The following KLF4 variants were observed in gnomAD, a reference collection of about 807,000 sequenced individuals.
KLF4 encodes KLF transcription factor 4.
In KLF4, 14 loss-of-function variants were observed where a neutral mutation model predicts 38.0. The observed-to-expected ratio is 0.37, with a 90% CI of 0.24 to 0.58. The LOEUF is 0.58. KLF4 is among the 20% of genes least tolerant of loss of function. The pLI is 0.76. For missense variants in KLF4, 737 were observed against 670.1 expected, an observed-to-expected ratio of 1.10 and a Z score of -1.10; for synonymous variants, 398 against 302.5, an observed-to-expected ratio of 1.32 and a Z score of -3.28.
At position 107,489,497 on chromosome 9, in the gene KLF4, T is replaced by G; in HGVS notation, c.-325A>C. 6.8e-6 allele frequency: 2 copies of G among 296,002 alleles called. No individual in the cohort carries two copies. Among genetic ancestry groups the G allele is most frequent in the Non-Finnish European group, 1.2e-5 (2 of 161,596 alleles). 18.3% of individuals were successfully genotyped at this position (296,002 alleles called of 1,614,324 possible). A position where few individuals can be genotyped will look rare whatever the true frequency, so the allele number is the denominator to read the frequency against. On this transcript the variant is annotated 5_prime_UTR_variant, in exon 1 of 5. Coordinates refer to ENST00000374672, the MANE Select transcript of KLF4 (RefSeq NM_004235.6). ...CGAGTGCTGCCGTGGGCGCAGGGGC[T>G]GTGGCCGGGGCGGTGGGCGGGCGGT...
rs774140707 is a variant in KLF4 at position 107,487,926 on chromosome 9, G to A, written c.468C>T (p.Ala156=). The change falls in exon 3 of 5, where the codon GCC becomes GCT. Residue 156 remains alanine (A), a synonymous_variant. Transcript: ENST00000374672. This position sits in a 1 kb window ranked among gnomAD's most constrained non-coding sequence, Gnocchi z 6.1. Reference sequence around the variant, plus strand: ...CCGGCGCCACGCCCGGGTCGTTCCCGGCCCGGATCGGATAGGTGAAGCTGC... The same window carrying A: ...CCGGCGCCACGCCCGGGTCGTTCCCAGCCCGGATCGGATAGGTGAAGCTGC... ...STCSFTYPIR[A]GNDPGVAPGG... is the part of the protein sequence containing the mutation. 1.3e-6 allele frequency: 2 copies of A among 1,576,992 alleles called. No homozygotes were observed. Among genetic ancestry groups the A allele is most frequent in the Non-Finnish European group, 1.7e-6 (2 of 1,161,738 alleles).
At position 107,485,388 on chromosome 9, in the gene KLF4, C is replaced by G; in HGVS notation, c.*363G>C. The G allele has an allele frequency of 3.9e-6, 1 of 255,856 alleles. No individual in the cohort carries two copies. The highest frequency in any genetic ancestry group is 7.5e-6 in the Non-Finnish European group (1 of 134,206). 15.8% of individuals were successfully genotyped at this position (255,856 alleles called of 1,614,324 possible). A position where few individuals can be genotyped will look rare whatever the true frequency, so the allele number is the denominator to read the frequency against. ...AAGGTGATCTTTTATGCTTATATTG[C>G]ATCAATACACAATTCAAGGGAATTC... On this transcript the variant is annotated 3_prime_UTR_variant, in exon 5 of 5. Transcript: ENST00000374672. This position sits in a 1 kb window ranked among gnomAD's most constrained non-coding sequence, Gnocchi z 4.9.
rs539270836 is a variant in KLF4 at position 107,487,732 on chromosome 9, G to A, written c.662C>T (p.Pro221Leu). The A allele has an allele frequency of 4.4e-6, 7 of 1,590,348 alleles. No individual in the cohort carries two copies. In the South Asian group the frequency reaches 6.8e-5, roughly 15 times the overall value. ...GAACTTGCCCATCAGCCCGCCACCTGGCGGCTGCGGCTGCTGCGGCGGAAT... is the reference window on the plus strand; with the variant it reads ...GAACTTGCCCATCAGCCCGCCACCTAGCGGCTGCGGCTGCTGCGGCGGAAT... The part of the protein sequence containing the change: ...VYIPPQQPQP[P>L]GGGLMGKFVL... The change falls in exon 3 of 5, where the codon CCA becomes CTA. Residue 221 changes from proline to leucine, a missense_variant. By Grantham distance (98) the Pro-to-Leu change is moderately conservative (BLOSUM62 -3). This residue lies in a region of KLF4 where 695 missense variants were observed against 554.5 expected (regional missense o/e 1.25). Coordinates refer to ENST00000374672, the MANE Select transcript of KLF4 (RefSeq NM_004235.6). The surrounding 1 kb of genome is among the most constrained non-coding windows in gnomAD (Gnocchi z 6.1).
In KLF4 at chr9:107,487,284, C is replaced by A. The variant is rs1829082787; in HGVS notation, c.1099+11G>T. On this transcript the variant is annotated intron_variant, in intron 3 of 4. Coordinates refer to ENST00000374672, the MANE Select transcript of KLF4 (RefSeq NM_004235.6). The surrounding 1 kb of genome is among the most constrained non-coding windows in gnomAD (Gnocchi z 6.1). ...GCTCCCCAGCCCGAGCTACAAATCC[C>A]CGGGACTGACCTTGGTAATGGAGCG... 3.1e-6 allele frequency: 5 copies of A among 1,591,312 alleles called. No homozygotes were observed. The East Asian group carries it at 1.1e-4, about 36-fold the overall frequency.
chr9:107,485,638 C>A lies in KLF4; in HGVS notation c.*113G>T. 1.9e-6 allele frequency: 2 copies of A among 1,066,222 alleles called. No homozygotes were observed. Among genetic ancestry groups the A allele is most frequent in the South Asian group, 1.9e-5 (1 of 53,902 alleles). 66.0% of individuals were successfully genotyped at this position (1,066,222 alleles called of 1,614,324 possible). ...AAGATGACTCAGTTGGGAACTTGAC[C>A]ATGATTGTAGTGCTTTCTGGCTGGG... On this transcript the variant is annotated 3_prime_UTR_variant, in exon 5 of 5. Transcript: ENST00000374672. This position sits in a 1 kb window ranked among gnomAD's most constrained non-coding sequence, Gnocchi z 4.9.
rs1318208648 is a variant in KLF4, at chr9:107,487,871, T to C, written c.523A>G (p.Arg175Gly). Residue 175 changes from arginine to glycine, a missense_variant, in exon 3 of 5, where the codon AGG becomes GGG. Arg to Gly is a moderately radical substitution (Grantham distance 125, BLOSUM62 -2). Transcript: ENST00000374672. The surrounding 1 kb of genome is among the most constrained non-coding windows in gnomAD (Gnocchi z 6.1). The part of the protein sequence containing the change: ...GGTGGGLLYG[R>G]ESAPPPTAPF... ...GCCGTCGGAGGGGGAGCGGACTCCC[T>C]GCCATAGAGGAGGCCTCCGCCCGTG... 2 of 1,539,302 alleles carry C rather than the reference T, an allele frequency of 1.3e-6. No individual in the cohort carries two copies. The highest frequency in any genetic ancestry group is 2.4e-5 in the East Asian group (1 of 41,840).
Position 107,487,695 on chromosome 9 carries a change from C to A in KLF4, c.699G>T (p.Ala233=). The A allele has an allele frequency of 6.2e-7, 1 of 1,605,878 alleles. No homozygotes were observed. The highest frequency in any genetic ancestry group is 8.5e-7 in the Non-Finnish European group (1 of 1,178,172). Residue 233 remains alanine (A), a synonymous_variant, in exon 3 of 5, where the codon GCG becomes GCT. Coordinates refer to ENST00000374672, the MANE Select transcript of KLF4 (RefSeq NM_004235.6). The surrounding 1 kb of genome is among the most constrained non-coding windows in gnomAD (Gnocchi z 6.1). Reference sequence around the variant, plus strand: ...ACTCGCTGCCAGGGGCGCTCAGCGACGCCTTCAGCACGAACTTGCCCATCA... The same window carrying A: ...ACTCGCTGCCAGGGGCGCTCAGCGAAGCCTTCAGCACGAACTTGCCCATCA... ...GGLMGKFVLK[A]SLSAPGSEYG... is the part of the protein sequence containing the mutation.
rs376327952 is a variant in KLF4, at chr9:107,487,379, C to T, written c.1015G>A (p.Gly339Ser). 2.0e-6 allele frequency: 3 copies of T among 1,535,434 alleles called. No individual in the cohort carries two copies. Among genetic ancestry groups the T allele is most frequent in the Admixed American group, 2.1e-5 (1 of 48,752 alleles). Residue 339 changes from glycine to serine, a missense_variant, in exon 3 of 5, where the codon GGC becomes AGC. Around this residue, in one of 2 missense-constraint regions of KLF4, gnomAD observed 695 missense variants for 554.5 expected, o/e 1.25. Transcript: ENST00000374672. The surrounding 1 kb of genome is among the most constrained non-coding windows in gnomAD (Gnocchi z 6.1). ...TTGGGCCCCGGGTGGGGATGGAAGC[C>T]GGGAGGAAGCGGCAGGGCAGGGTGA... ...DCHPALPLPP[G>S]FHPHPGPNYP...
Position 107,487,893 on chromosome 9 carries a change from C to T in KLF4, c.501G>A (p.Thr167=). Reference sequence around the variant, plus strand: ...CCCTGCCATAGAGGAGGCCTCCGCCCGTGCCGCCCGGCGCCACGCCCGGGT... The same window carrying T: ...CCCTGCCATAGAGGAGGCCTCCGCCTGTGCCGCCCGGCGCCACGCCCGGGT... ...GNDPGVAPGG[T]GGGLLYGRES... The change falls in exon 3 of 5, where the codon ACG becomes ACA. Residue 167 remains threonine (T), a synonymous_variant. Coordinates refer to ENST00000374672, the MANE Select transcript of KLF4 (RefSeq NM_004235.6). This position sits in a 1 kb window ranked among gnomAD's most constrained non-coding sequence, Gnocchi z 6.1. 2 of 1,556,662 alleles carry T rather than the reference C, an allele frequency of 1.3e-6. No homozygotes were observed. Among genetic ancestry groups the T allele is most frequent in the Admixed American group, 1.9e-5 (1 of 51,696 alleles).
Position 107,488,514 on chromosome 9 carries a change from G to C in KLF4, c.127-247C>G, listed in dbSNP as rs1829130641. ...CCAATTGCGTGTGAGCGAGCGCCGC[G>C]GCTGGTCCCTCCCCCTCCAGGTCCC... is the stretch of plus-strand genomic sequence containing the variant. On this transcript the variant is annotated intron_variant, in intron 2 of 4. Transcript: ENST00000374672. This position sits in a 1 kb window ranked among gnomAD's most constrained non-coding sequence, Gnocchi z 5.7. The C allele has an allele frequency of 1.6e-6, 1 of 625,978 alleles. No individual in the cohort carries two copies. The highest frequency in any genetic ancestry group is 2.6e-6 in the Non-Finnish European group (1 of 386,364). 38.8% of individuals were successfully genotyped at this position (625,978 alleles called of 1,614,324 possible). A position where few individuals can be genotyped will look rare whatever the true frequency, so the allele number is the denominator to read the frequency against.
rs1441130568 is a variant in KLF4, at chr9:107,489,409, T to C, written c.-237A>G. The C allele has an allele frequency of 1.0e-5, 5 of 476,840 alleles. No individual in the cohort carries two copies. Among genetic ancestry groups the C allele is most frequent in the South Asian group, 4.5e-5 (1 of 22,162 alleles). The allele number at this position is 476,840 out of a possible 1,614,324, so 29.5% of individuals were successfully genotyped here. A position where few individuals can be genotyped will look rare whatever the true frequency, so the allele number is the denominator to read the frequency against. On this transcript the variant is annotated 5_prime_UTR_variant, in exon 1 of 5. Coordinates refer to ENST00000374672, the MANE Select transcript of KLF4 (RefSeq NM_004235.6). ...ACAATCAGCAAGGCGAGTAAGTAGGTCCGGTGGCCGGGCTGCGCTCTCTTC... is the reference window on the plus strand; with the variant it reads ...ACAATCAGCAAGGCGAGTAAGTAGGCCCGGTGGCCGGGCTGCGCTCTCTTC...
Position 107,488,260 on chromosome 9 carries a change from C to A in KLF4, c.134G>T (p.Arg45Leu). The change falls in exon 3 of 5, where the codon CGG (arginine) becomes CTG (leucine). Residue 45 changes from arginine to leucine, a missense_variant. Coordinates refer to ENST00000374672, the MANE Select transcript of KLF4 (RefSeq NM_004235.6). This position sits in a 1 kb window ranked among gnomAD's most constrained non-coding sequence, Gnocchi z 5.7. Reference sequence around the variant, plus strand: ...TCGCTTCATGTGGGAGAGCTCCTCCCGCCAGCGCTGCGGGGACAGGGCGGG... The same window carrying A: ...TCGCTTCATGTGGGAGAGCTCCTCCAGCCAGCGCTGCGGGGACAGGGCGGG... ...RQAGAPNNRWREELSHMKRLP... is the reference protein window; with the variant it reads ...RQAGAPNNRWLEELSHMKRLP... 6.2e-7 allele frequency: 1 copy of A among 1,602,938 alleles called. No homozygotes were observed. Among genetic ancestry groups the A allele is most frequent in the South Asian group, 1.1e-5 (1 of 90,394 alleles).
Position 107,485,629 on chromosome 9 carries a change from G to A in KLF4, c.*122C>T, listed in dbSNP as rs1829045842. Reference sequence around the variant, plus strand: ...TCCACTCACAAGATGACTCAGTTGGGAACTTGACCATGATTGTAGTGCTTT... The same window carrying A: ...TCCACTCACAAGATGACTCAGTTGGAAACTTGACCATGATTGTAGTGCTTT... On this transcript the variant is annotated 3_prime_UTR_variant, in exon 5 of 5. Transcript: ENST00000374672. This position sits in a 1 kb window ranked among gnomAD's most constrained non-coding sequence, Gnocchi z 4.9. 1 of 971,016 alleles carries A rather than the reference G, an allele frequency of 1.0e-6. No individual in the cohort carries two copies. Among genetic ancestry groups the A allele is most frequent in the Non-Finnish European group, 1.5e-6 (1 of 677,964 alleles). 60.2% of individuals were successfully genotyped at this position (971,016 alleles called of 1,614,324 possible).
rs1829075786 is a variant in KLF4, at chr9:107,487,041, C to G, written c.1251G>C (p.Leu417=). 6.2e-7 allele frequency: 1 copy of G among 1,614,212 alleles called. No individual in the cohort carries two copies. The highest frequency in any genetic ancestry group is 8.5e-7 in the Non-Finnish European group (1 of 1,180,052). ...TTGTCCCCCTACCTGTGTGGGTTCGCAGGTGTGCCTTGAGATGGGAACTCT... is the reference window on the plus strand; with the variant it reads ...TTGTCCCCCTACCTGTGTGGGTTCGGAGGTGTGCCTTGAGATGGGAACTCT... ...YTKSSHLKAH[L]RTHTGEKPYH... is the part of the protein sequence containing the mutation. Residue 417 remains leucine (L), a synonymous_variant, in exon 4 of 5, where the codon CTG becomes CTC. Coordinates refer to ENST00000374672, the MANE Select transcript of KLF4 (RefSeq NM_004235.6). The surrounding 1 kb of genome is among the most constrained non-coding windows in gnomAD (Gnocchi z 6.1).
chr9:107,485,376 A>T lies in KLF4; in HGVS notation c.*375T>A. The T allele has an allele frequency of 4.1e-6, 1 of 246,256 alleles. No individual in the cohort carries two copies. Among genetic ancestry groups the T allele is most frequent in the East Asian group, 6.1e-5 (1 of 16,456 alleles). The allele number at this position is 246,256 out of a possible 1,614,324, so 15.3% of individuals were successfully genotyped here. A position where few individuals can be genotyped will look rare whatever the true frequency, so the allele number is the denominator to read the frequency against. On this transcript the variant is annotated 3_prime_UTR_variant, in exon 5 of 5. Coordinates refer to ENST00000374672, the MANE Select transcript of KLF4 (RefSeq NM_004235.6). This position sits in a 1 kb window ranked among gnomAD's most constrained non-coding sequence, Gnocchi z 4.9. Reference sequence around the variant, plus strand: ...TAAAGAGAATACAAGGTGATCTTTTATGCTTATATTGCATCAATACACAAT... The same window carrying T: ...TAAAGAGAATACAAGGTGATCTTTTTTGCTTATATTGCATCAATACACAAT...
At position 107,489,622 on chromosome 9, in the gene KLF4, G is replaced by T. The variant is rs1405755272; in HGVS notation, c.-450C>A. The T allele has an allele frequency of 1.1e-5, 2 of 178,124 alleles. No individual in the cohort carries two copies. The highest frequency in any genetic ancestry group is 5.3e-5 in the African/African-American group (2 of 37,628). The allele number at this position is 178,124 out of a possible 1,614,324, so 11.0% of individuals were successfully genotyped here. A position where few individuals can be genotyped will look rare whatever the true frequency, so the allele number is the denominator to read the frequency against. On this transcript the variant is annotated 5_prime_UTR_variant, in exon 1 of 5. Coordinates refer to ENST00000374672, the MANE Select transcript of KLF4 (RefSeq NM_004235.6). ...GTTGTGTGGAGCGCGCGCGGCCATG[G>T]GCGCGGGCCACGGGCGGGTGGGAGG...
Position 107,488,118 on chromosome 9 carries a change from A to C in KLF4, c.276T>G (p.Pro92=), listed in dbSNP as rs754151092. ...ACGGSNLAPL[P]RRETEEFNDL... The stretch of plus-strand genomic sequence containing the variant: ...CGTTGAACTCCTCGGTCTCTCTCCG[A>C]GGTAGGGGCGCCAGGTTGCTACCGC... Residue 92 remains proline, a synonymous_variant, in exon 3 of 5, where the codon CCT becomes CCG. Coordinates refer to ENST00000374672, the MANE Select transcript of KLF4 (RefSeq NM_004235.6). The surrounding 1 kb of genome is among the most constrained non-coding windows in gnomAD (Gnocchi z 5.7). 3 of 1,612,582 alleles carry C rather than the reference A, an allele frequency of 1.9e-6. No individual in the cohort carries two copies. The African/African-American group carries it at 4.0e-5, about 22-fold the overall frequency.
rs530662765 is a variant in KLF4 at position 107,488,643 on chromosome 9, G to T, written c.126+287C>A. 6.6e-5 allele frequency among the ~76,000 whole-genome samples: 10 copies of T among 152,262 alleles called. No homozygotes were observed. The highest frequency in any genetic ancestry group is 1.9e-4 in the African/African-American group (8 of 41,584). On this transcript the variant is annotated intron_variant, in intron 2 of 4. Transcript: ENST00000374672. This position sits in a 1 kb window ranked among gnomAD's most constrained non-coding sequence, Gnocchi z 5.7. The stretch of plus-strand genomic sequence containing the variant: ...TCTGGCCCAGCCAGTGTCTGGGGAC[G>T]CGGCCACCTCCCGCCCGGTGGCCCG...
chr9:107,487,869 C>G lies in KLF4; in HGVS notation c.525G>C (p.Arg175Ser), dbSNP rs997213237. The G allele has an allele frequency of 3.3e-6, 5 of 1,537,338 alleles. No individual in the cohort carries two copies. Among genetic ancestry groups the G allele is most frequent in the Admixed American group, 4.1e-5 (2 of 49,258 alleles). The change falls in exon 3 of 5, where the codon AGG becomes AGC. Residue 175 changes from arginine to serine, a missense_variant. Coordinates refer to ENST00000374672, the MANE Select transcript of KLF4 (RefSeq NM_004235.6). This position sits in a 1 kb window ranked among gnomAD's most constrained non-coding sequence, Gnocchi z 6.1. ...GAGCCGTCGGAGGGGGAGCGGACTC[C>G]CTGCCATAGAGGAGGCCTCCGCCCG... ...GGTGGGLLYGRESAPPPTAPF... is the reference protein window; with the variant it reads ...GGTGGGLLYGSESAPPPTAPF...
Sources: gnomAD v4.1 joint callset for allele counts (sites outside exome capture counted in the v4.1 genomes callset) on GRCh38, gnomAD v4.1.1 for gene constraint, gnomAD v4.1.1 regional missense constraint, Gnocchi (gnomAD v3.1) non-coding constraint, MANE v1.5 for transcripts, NCBI Gene and HGNC (gene_info 2026-07-23, HGNC 2026-07-21) for gene names.